The following SCLY variants were observed in gnomAD, a reference collection of about 807,000 sequenced individuals.
The protein encoded by SCLY is selenocysteine lyase.
SCLY carries 38 observed loss-of-function variants against 50.1 expected under a neutral mutation model. The observed-to-expected ratio is 0.76, with a 90% CI of 0.59 to 0.99. SCLY has a LOEUF of 0.99. Ranked by LOEUF, SCLY falls within the 50% of genes least tolerant of loss-of-function variation. The probability of loss-of-function intolerance (pLI) is 0.00; values close to 1 mark genes in which losing one functional copy is unlikely to be tolerated. For missense variants in SCLY, 600 were observed against 620.0 expected (o/e 0.97, Z 0.34); for synonymous variants, 243 against 249.4 (o/e 0.97, Z 0.24).
intron 8 of SCLY, chr2:238,091,552 T>A: frequency 6.8e-5 from 21 of 308,574 alleles, no homozygotes; most frequent in South Asian, 1.9e-4. Context: ...AGGTTCACCA[T>A]TCCCAAAGGC....
At chr2:238,094,151 G>A in intron 9 of SCLY, 1 of 620,066 alleles carries the variant, frequency 1.6e-6, no homozygotes, top group Non-Finnish European at 2.8e-6. Context: ...TAGGCCAGGG[G>A]CATGATCTTT....
At chr2:238,084,432 A>C (rs1333369745) in intron 7 of SCLY, among the ~76,000 whole-genome samples, 1 of 151,850 alleles carries the variant, frequency 6.6e-6, no homozygotes, top group Non-Finnish European at 1.5e-5. Flanking sequence ...CTCTACTAAA[A>C]ATATAAAAAT....
At chr2:238,063,001 CA>C (rs1182059553) in intron 1 of SCLY, among the ~76,000 whole-genome samples, 1 of 152,126 alleles carries the variant, frequency 6.6e-6, no homozygotes, top group Non-Finnish European at 1.5e-5. Context: ...TTTATTTTGT[CA>C]TCTTATAAAA....
Position 238,069,446 on chromosome 2 carries a change from C to G in SCLY, c.453C>G (p.Pro151=), listed in dbSNP as rs749837555. The change falls in exon 4 of 12, where the codon CCC becomes CCG. Residue 151 remains proline, a synonymous_variant. Coordinates refer to ENST00000254663, the MANE Select transcript of SCLY (RefSeq NM_016510.7). This position sits in a 1 kb window ranked among gnomAD's most constrained non-coding sequence, Gnocchi z 5.0. Reference sequence around the variant, plus strand: ...TGGAACACGACTCCATCCGGCTGCCCCTGGAGCACCTGGTGGAAGAACAAG... The same window carrying G: ...TGGAACACGACTCCATCCGGCTGCCGCTGGAGCACCTGGTGGAAGAACAAG... ...SSVEHDSIRL[P]LEHLVEEQVA... 10 of 1,613,168 alleles carry G rather than the reference C, an allele frequency of 6.2e-6. No individual in the cohort carries two copies. The highest frequency in any genetic ancestry group is 8.5e-6 in the Non-Finnish European group (10 of 1,179,588).
intron 8 of SCLY, chr2:238,091,818 A>G (rs2065365479): frequency 1.3e-5 from 2 of 159,376 alleles, no homozygotes; most frequent in African/African-American, 2.4e-5. Context: ...TGGTTCCCCC[A>G]TGTCCCCTGC....
intron 9 of SCLY, 31 bp downstream of exon 9, chr2:238,093,975 G>C (rs2065397369): frequency 3.1e-6 from 5 of 1,595,940 alleles, no homozygotes; most frequent in Non-Finnish European, 4.3e-6. Flanking sequence ...GCACCAGGAG[G>C]GGGAGGGTGC....
chr2:238,083,078 CT>C lies in SCLY; in HGVS notation c.778-166del. On this transcript the variant is annotated intron_variant, in intron 6 of 11. Transcript: ENST00000254663. This position sits in a 1 kb window ranked among gnomAD's most constrained non-coding sequence, Gnocchi z 4.3. ...TTGGGGTTCCACCCTGCCCCGAAGG[CT>C]TTTGTGACTCTGCGTGTCAAAAGGG... 1 of 698,812 alleles carries C rather than the reference CT, an allele frequency of 1.4e-6. No homozygotes were observed. Among genetic ancestry groups the C allele is most frequent in the Non-Finnish European group, 2.7e-6 (1 of 373,550 alleles). The allele number at this position is 698,812 out of a possible 1,614,324, so 43.3% of individuals were successfully genotyped here.
chr2:238,069,467 A>T lies in SCLY; in HGVS notation c.474A>T (p.Glu158Asp). 1.2e-6 allele frequency: 2 copies of T among 1,611,956 alleles called. No individual in the cohort carries two copies. Among genetic ancestry groups the T allele is most frequent in the Non-Finnish European group, 1.7e-6 (2 of 1,178,930 alleles). The change falls in exon 4 of 12, where the codon GAA becomes GAT. Residue 158 changes from glutamate to aspartate, a missense_variant. Physicochemically the swap from Glu to Asp is conservative, Grantham distance 45. Coordinates refer to ENST00000254663, the MANE Select transcript of SCLY (RefSeq NM_016510.7). This position sits in a 1 kb window ranked among gnomAD's most constrained non-coding sequence, Gnocchi z 5.0. The stretch of plus-strand genomic sequence containing the variant: ...TGCCCCTGGAGCACCTGGTGGAAGA[A>T]CAAGTGGCAGGTGAGTGAGTGCAGG... ...IRLPLEHLVE[E>D]QVAAVTFVPV...
intron 4 of SCLY, among the ~76,000 whole-genome samples, chr2:238,070,678 G>GA (rs1010078592): frequency 2.0e-5 from 3 of 151,178 alleles, no homozygotes; most frequent in Admixed American, 6.6e-5. Context: ...CATCTCAGGG[G>GA]AAAAAAAAAT....
rs1304324713 is a variant in SCLY, at chr2:238,098,558, C to T, written c.*203C>T. On this transcript the variant is annotated 3_prime_UTR_variant, in exon 12 of 12. Transcript: ENST00000254663. ...CTCACAGGGCCCAGGACACCAACGC[C>T]GCATAGGACTGCCCACATGGGACCG... 10 of 600,574 alleles carry T rather than the reference C, an allele frequency of 1.7e-5. No individual in the cohort carries two copies. Among genetic ancestry groups the T allele is most frequent in the South Asian group, 4.9e-5 (2 of 40,574 alleles). 37.2% of individuals were successfully genotyped at this position (600,574 alleles called of 1,614,324 possible). A position where few individuals can be genotyped will look rare whatever the true frequency, so the allele number is the denominator to read the frequency against.
chr2:238,091,560 G>A, intron 8 of SCLY: 17 of 313,446 alleles, frequency 5.4e-5, no homozygotes, highest in South Asian at 1.6e-4. Context: ...CATTCCCAAA[G>A]GCGTCGGCAG....
chr2:238,091,351 T>G, intron 8 of SCLY, 97 bp downstream of exon 8: 1 of 970,460 alleles, frequency 1.0e-6, no homozygotes, highest in African/African-American at 1.6e-5. Context: ...GAGATCATAT[T>G]CGTGATCTCA....
rs1236492588 is a variant in SCLY at position 238,069,051 on chromosome 2, A to G, written c.304-246A>G. On this transcript the variant is annotated intron_variant, in intron 3 of 11. Coordinates refer to ENST00000254663, the MANE Select transcript of SCLY (RefSeq NM_016510.7). This position sits in a 1 kb window ranked among gnomAD's most constrained non-coding sequence, Gnocchi z 5.0. ...ATAACCACACTGCACTTATACCAATACATTTATATAAATTCTTAAAAATTA... is the reference window on the plus strand; with the variant it reads ...ATAACCACACTGCACTTATACCAATGCATTTATATAAATTCTTAAAAATTA... 2.0e-5 allele frequency among the ~76,000 whole-genome samples: 3 copies of G among 152,254 alleles called. No individual in the cohort carries two copies. Among genetic ancestry groups the G allele is most frequent in the Non-Finnish European group, 2.9e-5 (2 of 68,048 alleles).
intron 1 of SCLY, 128 bp from the exon 2 acceptor site, chr2:238,064,229 G>A (rs2065047692): frequency 2.0e-6 from 1 of 512,016 alleles, no homozygotes; most frequent in Non-Finnish European, 3.5e-6. Context: ...TGCCTGCAGT[G>A]CTTATGCAGA....
At chr2:238,093,551 G>T (rs905824407) in intron 8 of SCLY, 6 of 396,590 alleles carry the variant, frequency 1.5e-5, no homozygotes, top group Non-Finnish European at 2.8e-5. Context: ...TGGTGGGTAG[G>T]AGTCTGTTCC....
In SCLY at chr2:238,083,223, A is replaced by G; in HGVS notation, c.778-25A>G. On this transcript the variant is annotated intron_variant, in intron 6 of 11. Transcript: ENST00000254663. This position sits in a 1 kb window ranked among gnomAD's most constrained non-coding sequence, Gnocchi z 4.3. ...TAGGTCCTTGGAAAGTTCTTGTTGAATAAATGACCAACTTTTCCTTCCAGT... is the reference window on the plus strand; with the variant it reads ...TAGGTCCTTGGAAAGTTCTTGTTGAGTAAATGACCAACTTTTCCTTCCAGT... The G allele has an allele frequency of 6.5e-7, 1 of 1,541,434 alleles. No individual in the cohort carries two copies. Among genetic ancestry groups the G allele is most frequent in the Non-Finnish European group, 9.0e-7 (1 of 1,113,970 alleles).
chr2:238,068,893 C>T (rs1288219650), intron 3 of SCLY, among the ~76,000 whole-genome samples: 4 of 152,148 alleles, frequency 2.6e-5, no homozygotes, highest in Admixed American at 6.5e-5. Flanking sequence ...TCACGGGGCT[C>T]ATTTGGTAGA....
At chr2:238,089,798 TTAAATG>T (rs1210144453) in intron 7 of SCLY, among the ~76,000 whole-genome samples, 1 of 152,108 alleles carries the variant, frequency 6.6e-6, no homozygotes, top group Non-Finnish European at 1.5e-5. Flanking sequence ...GATCTTGAAA[TTAAATG>T]TAAAACATAA....
At chr2:238,063,270 T>G (rs1193929708) in intron 1 of SCLY, among the ~76,000 whole-genome samples, 1 of 141,846 alleles carries the variant, frequency 7.0e-6, no homozygotes, top group Non-Finnish European at 1.6e-5. Context: ...TTTTTTTTTT[T>G]GAGACGGACT....
Sources: allele counts gnomAD v4.1 joint callset (sites outside exome capture counted in the v4.1 genomes callset), GRCh38; gene constraint gnomAD v4.1.1; non-coding constraint Gnocchi (gnomAD v3.1); transcripts MANE v1.5; gene names NCBI Gene and HGNC (gene_info 2026-07-23, HGNC 2026-07-21).